Variants in ARHGEF3 observed in about 807,000 individuals in gnomAD.
The protein encoded by ARHGEF3 is 59.8 kDA protein.
In ARHGEF3, 28 loss-of-function variants were observed where a neutral mutation model predicts 63.2. The ratio of observed to expected loss-of-function variants is 0.44; its 90% CI spans 0.33 to 0.61. The LOEUF (loss-of-function observed/expected upper bound fraction) is 0.61. Among genes scored for constraint, ARHGEF3 ranks in the 20% least tolerant of loss-of-function variants. ARHGEF3 has a pLI of 0.03. For missense variants in ARHGEF3, 533 were observed against 659.3 expected (o/e 0.81, Z 2.10); for synonymous variants, 266 against 254.2 (o/e 1.05, Z -0.44).
intron 4 of ARHGEF3, among the ~76,000 whole-genome samples, chr3:56,860,175 ATTT>A (rs1393566394): frequency 3.3e-5 from 5 of 152,044 alleles, no homozygotes; most frequent in Non-Finnish European, 4.4e-5. Context: ...GTTCATATTT[ATTT>A]TTTATTTTTA....
At chr3:56,854,347 T>C (rs2039794795) in intron 4 of ARHGEF3, among the ~76,000 whole-genome samples, 1 of 152,060 alleles carries the variant, frequency 6.6e-6, no homozygotes, top group Non-Finnish European at 1.5e-5. Context: ...AGCAGTGCAA[T>C]GGAGAAAGAC....
At chr3:57,035,284 G>C in intron 1 of ARHGEF3, 1 of 519,944 alleles carries the variant, frequency 1.9e-6, no homozygotes, top group Admixed American at 3.9e-5. Context: ...GGGTTACCCA[G>C]TGTCCACCAA....
chr3:56,733,984 CAAAAAAAA>C (rs777924213), intron 8 of ARHGEF3, among the ~76,000 whole-genome samples: 1 of 55,120 alleles, frequency 1.8e-5, no homozygotes, highest in African/African-American at 6.8e-5. Context: ...AATTCTGTCT[CAAAAAAAA>C]AAAAAAAAAA....
At chr3:56,951,497 A>G (rs1044062905) in intron 3 of ARHGEF3, among the ~76,000 whole-genome samples, 1 of 152,008 alleles carries the variant, frequency 6.6e-6, no homozygotes, top group Non-Finnish European at 1.5e-5. Flanking sequence ...TAACTTTTAT[A>G]TGCACTGGGA....
At chr3:56,899,209 A>T (rs979576843) in intron 3 of ARHGEF3, among the ~76,000 whole-genome samples, 1 of 152,240 alleles carries the variant, frequency 6.6e-6, no homozygotes. Context: ...AGGTAGAAGG[A>T]CATAGAAAGT....
rs1704571427 is a variant in ARHGEF3 at position 57,049,064 on chromosome 3, T to G, written c.-27-13888A>C. Among the ~76,000 whole-genome samples the G allele has an allele frequency of 2.0e-5, 3 of 152,196 alleles. No individual in the cohort carries two copies. The South Asian group carries it at 6.2e-4, about 31-fold the overall frequency. On this transcript the variant is annotated intron_variant, in intron 1 of 12. Coordinates refer to the ARHGEF3 transcript ENST00000338458. ...CTTGCCAAGGCTGGGTCTGGGAATCTGAACTTTAAAGATCCCTCCCAGGAG... is the reference window on the plus strand; with the variant it reads ...CTTGCCAAGGCTGGGTCTGGGAATCGGAACTTTAAAGATCCCTCCCAGGAG...
At chr3:56,870,002 A>C (rs1291762094) in intron 4 of ARHGEF3, among the ~76,000 whole-genome samples, 1 of 152,150 alleles carries the variant, frequency 6.6e-6, no homozygotes, top group African/African-American at 2.4e-5. Context: ...ATGACATAGA[A>C]GGAATATACT....
At position 56,925,088 on chromosome 3, in the gene ARHGEF3, C is replaced by G. The variant is rs1004739511; in HGVS notation, c.129+33735G>C. Among the ~76,000 whole-genome samples, 4 of 152,244 alleles carry G rather than the reference C, an allele frequency of 2.6e-5. No individual in the cohort carries two copies. The East Asian group carries it at 7.7e-4, about 29-fold the overall frequency. On this transcript the variant is annotated intron_variant, in intron 3 of 12. Transcript: ENST00000338458. ...TGCAGCCACAGCATGAGAACATGAG[C>G]AGGCTCAGCCAATCATGTGCTGGGA...
chr3:56,868,898 G>A (rs992954800), intron 4 of ARHGEF3, among the ~76,000 whole-genome samples: 10 of 152,136 alleles, frequency 6.6e-5, no homozygotes, highest in East Asian at 1.9e-4. Flanking sequence ...TCAGTGGCCC[G>A]TGTATGATGT....
intron 2 of ARHGEF3, among the ~76,000 whole-genome samples, chr3:56,991,496 G>A (rs1701743946): frequency 6.6e-6 from 1 of 152,172 alleles, no homozygotes; most frequent in Non-Finnish European, 1.5e-5. Context: ...CCCAGACTCT[G>A]TAAAGTTAAG....
upstream of ARHGEF3, among the ~76,000 whole-genome samples, chr3:56,803,653 AT>A (rs1396429698): frequency 6.6e-6 from 1 of 151,908 alleles, no homozygotes; most frequent in Admixed American, 6.6e-5. Context: ...AAATTTAAAA[AT>A]TAGCCAGGTA....
intron 1 of ARHGEF3, among the ~76,000 whole-genome samples, chr3:56,784,007 G>A (rs1039204588): frequency 7.9e-5 from 12 of 152,162 alleles, no homozygotes; most frequent in South Asian, 2.1e-4. Flanking sequence ...CCCCTGTTAA[G>A]TTCCTTTTAG....
At chr3:56,916,055 C>T (rs776618456) in intron 3 of ARHGEF3, among the ~76,000 whole-genome samples, 1 of 152,194 alleles carries the variant, frequency 6.6e-6, no homozygotes, top group Non-Finnish European at 1.5e-5. Context: ...CGCCACTCAG[C>T]TCACCCTCGC....
Position 57,054,844 on chromosome 3 carries a change from T to A in ARHGEF3, c.-27-19668A>T, listed in dbSNP as rs550050013. 7.7e-4 allele frequency among the ~76,000 whole-genome samples: 116 copies of A among 151,450 alleles called. 1 individual carries two copies. The South Asian group carries it at 0.014, about 19-fold the overall frequency. ...TTTTGTATTTTTAGTAGAGACGGGG[T>A]TTCACCATGTTGGCCAGTATGATCT... On this transcript the variant is annotated intron_variant, in intron 1 of 12. Transcript: ENST00000338458.
At chr3:56,760,742 C>A (rs976126049) in intron 2 of ARHGEF3, among the ~76,000 whole-genome samples, 2 of 151,768 alleles carry the variant, frequency 1.3e-5, no homozygotes, top group East Asian at 1.9e-4. Context: ...GCAAGACATG[C>A]ATTTTGGGGA....
At chr3:56,869,040 A>G (rs180938936) in intron 4 of ARHGEF3, among the ~76,000 whole-genome samples, 117 of 152,370 alleles carry the variant, frequency 7.7e-4, no homozygotes, top group African/African-American at 2.7e-3. Flanking sequence ...AGAGCTGACC[A>G]GCAAAATCGT....
intron 4 of ARHGEF3, among the ~76,000 whole-genome samples, chr3:56,846,737 C>T (rs570627222): frequency 2.6e-5 from 4 of 152,260 alleles, no homozygotes; most frequent in East Asian, 1.9e-4. Flanking sequence ...CAGACCCAGC[C>T]ATGGACCAAA....
At chr3:56,902,333 C>T (rs748281748) in intron 3 of ARHGEF3, among the ~76,000 whole-genome samples, 7 of 151,804 alleles carry the variant, frequency 4.6e-5, no homozygotes, top group Non-Finnish European at 8.8e-5. Flanking sequence ...TGTGTGCGCG[C>T]GTGTGTGGAT....
intron 6 of ARHGEF3, among the ~76,000 whole-genome samples, chr3:56,749,916 C>CGAGCGAGACACTCCGTCTCAAAAAAAAA (rs2034624188): frequency 6.6e-6 from 1 of 152,026 alleles, no homozygotes; most frequent in African/African-American, 2.4e-5. Flanking sequence ...ACTTTCTGCA[C>CGAGCGAGACACTCCGTCTCAAAAAAAAA]ATCTATGTGT....
Sources: gnomAD v4.1 joint callset for allele counts (sites outside exome capture counted in the v4.1 genomes callset) on GRCh38, gnomAD v4.1.1 for gene constraint, MANE v1.5 for transcripts, NCBI Gene and HGNC (gene_info 2026-07-23, HGNC 2026-07-21) for gene names.